RBFOX1: variants seen among roughly 807,000 people sequenced by gnomAD.
RBFOX1 encodes the protein RNA binding protein fox-1 homolog 1.
A neutral mutation model predicts 57.7 loss-of-function variants in RBFOX1; 8 were observed. The ratio of observed to expected loss-of-function variants is 0.14; its 90% CI spans 0.08 to 0.25. RBFOX1 has a LOEUF of 0.25. RBFOX1 is among the 10% of genes least tolerant of loss of function. RBFOX1 has a pLI of 1.00. For missense variants in RBFOX1, 611 were observed against 548.5 expected, an observed-to-expected ratio of 1.11 and a Z score of -1.14; for synonymous variants, 326 against 222.4, an observed-to-expected ratio of 1.47 and a Z score of -4.15.
At chr16:5,435,275 G>T (rs1261607348) in intron 1 of RBFOX1, among the ~76,000 whole-genome samples, 1 of 152,204 alleles carries the variant, frequency 6.6e-6, no homozygotes, top group Non-Finnish European at 1.5e-5. Flanking sequence ...AACAGCTGGT[G>T]TGGGTTTCCT....
chr16:5,689,143 A>C (rs531056826), intron 3 of RBFOX1, among the ~76,000 whole-genome samples: 29 of 152,360 alleles, frequency 1.9e-4, no homozygotes, highest in African/African-American at 6.7e-4. Flanking sequence ...CTGGATGTCA[A>C]GGTCACGTCC....
chr16:6,802,038 T>C (rs1470740411), intron 3 of RBFOX1, among the ~76,000 whole-genome samples: 1 of 152,036 alleles, frequency 6.6e-6, no homozygotes, highest in Non-Finnish European at 1.5e-5. Context: ...GCAATAAACT[T>C]GTTTGTGGAG....
chr16:5,484,325 C>T (rs2069651079), intron 2 of RBFOX1, among the ~76,000 whole-genome samples: 1 of 152,230 alleles, frequency 6.6e-6, no homozygotes, highest in South Asian at 2.1e-4. Flanking sequence ...TTTCCTGCCA[C>T]ACAAACCCCT....
At chr16:6,834,578 A>G (rs988204661) in intron 3 of RBFOX1, among the ~76,000 whole-genome samples, 1 of 152,228 alleles carries the variant, frequency 6.6e-6, no homozygotes, top group Non-Finnish European at 1.5e-5. Flanking sequence ...GTTCTTAAAA[A>G]GAAACCTTGC....
intron 3 of RBFOX1, among the ~76,000 whole-genome samples, chr16:7,004,291 A>G (rs2093106557): frequency 6.6e-6 from 1 of 152,186 alleles, no homozygotes; most frequent in South Asian, 2.1e-4. Flanking sequence ...ATTAGATTAA[A>G]TTAACTCCAT....
At chr16:7,438,541 C>T (rs1411929954) in intron 4 of RBFOX1, among the ~76,000 whole-genome samples, 12 of 152,154 alleles carry the variant, frequency 7.9e-5, no homozygotes, top group Admixed American at 5.9e-4. Context: ...GGGCGTAATT[C>T]GTCCTCACAG....
At chr16:6,479,092 G>C (rs2095329536) in intron 2 of RBFOX1, among the ~76,000 whole-genome samples, 1 of 152,194 alleles carries the variant, frequency 6.6e-6, no homozygotes, top group Non-Finnish European at 1.5e-5. Flanking sequence ...ATGCCTGTGT[G>C]TGTGTGTGTT....
intron 4 of RBFOX1, among the ~76,000 whole-genome samples, chr16:7,165,774 A>G (rs572481458): frequency 6.6e-5 from 10 of 151,978 alleles, no homozygotes; most frequent in African/African-American, 2.2e-4. Context: ...CAATTCTTAG[A>G]CCTGTGACTC....
chr16:6,347,388 G>A (rs1399441442), intron 2 of RBFOX1, among the ~76,000 whole-genome samples: 1 of 152,206 alleles, frequency 6.6e-6, no homozygotes, highest in Admixed American at 6.5e-5. Flanking sequence ...AAACAGGCAT[G>A]TTCCTTTCTT....
intron 2 of RBFOX1, among the ~76,000 whole-genome samples, chr16:6,534,792 A>G (rs571425949): frequency 1.8e-4 from 28 of 152,118 alleles, no homozygotes; most frequent in Admixed American, 3.9e-4. Flanking sequence ...GTACTGGTTC[A>G]TGTATATGTG....
chr16:5,912,695 G>C (rs1169743647), intron 4 of RBFOX1, among the ~76,000 whole-genome samples: 1 of 152,118 alleles, frequency 6.6e-6, no homozygotes, highest in African/African-American at 2.4e-5. Context: ...ATTTAAGCAT[G>C]ACTCTTGGAG....
chr16:7,240,776 C>T (rs2094014865), intron 4 of RBFOX1, among the ~76,000 whole-genome samples: 1 of 152,052 alleles, frequency 6.6e-6, no homozygotes, highest in African/African-American at 2.4e-5. Flanking sequence ...TGCCATGTTG[C>T]CCAGGCTGGT....
intron 4 of RBFOX1, among the ~76,000 whole-genome samples, chr16:5,967,734 T>C (rs1422971884): frequency 1.3e-5 from 2 of 152,180 alleles, no homozygotes; most frequent in East Asian, 1.9e-4. Context: ...GTTATATAAT[T>C]AGGATATTCC....
chr16:5,439,035 G>C (rs888351798), intron 1 of RBFOX1, among the ~76,000 whole-genome samples: 11 of 136,136 alleles, frequency 8.1e-5, no homozygotes, highest in East Asian at 6.4e-4. Flanking sequence ...AGAATAATGG[G>C]GGGGGGGGCA....
intron 3 of RBFOX1, among the ~76,000 whole-genome samples, chr16:6,986,010 TTGCAG>T (rs770537129): frequency 8.4e-4 from 127 of 151,822 alleles, no homozygotes; most frequent in Non-Finnish European, 1.5e-3. Context: ...ATAAAACATC[TTGCAG>T]AAACTCACTT....
rs2095940282 is a variant in RBFOX1 at position 6,078,274 on chromosome 16, G to A, written c.-127+58282G>A. Among the ~76,000 whole-genome samples the A allele has an allele frequency of 1.3e-5, 2 of 152,156 alleles. 1 individual carries two copies. The highest frequency in any genetic ancestry group is 4.1e-4 in the South Asian group (2 of 4,832). On this transcript the variant is annotated intron_variant, in intron 1 of 15. Transcript: ENST00000550418. ...CACAGGGTTTCTAGTATATTATGTT[G>A]GTTAAGAGCAAGCCTCTAGAGCAAG...
At chr16:6,902,335 A>G (rs994439691) in intron 3 of RBFOX1, among the ~76,000 whole-genome samples, 1 of 152,170 alleles carries the variant, frequency 6.6e-6, no homozygotes, top group Non-Finnish European at 1.5e-5. Context: ...TTTCATGGCA[A>G]AACTCTGTTA....
At chr16:7,519,949 G>A (rs1047821883) in intron 5 of RBFOX1, among the ~76,000 whole-genome samples, 4 of 152,182 alleles carry the variant, frequency 2.6e-5, no homozygotes, top group South Asian at 4.2e-4. Flanking sequence ...GCGGTGGCGC[G>A]ATCTCGGCTC....
chr16:7,121,784 T>C (rs1191543237), intron 4 of RBFOX1, among the ~76,000 whole-genome samples: 1 of 152,006 alleles, frequency 6.6e-6, no homozygotes, highest in African/African-American at 2.4e-5. Flanking sequence ...ATTTATTTTA[T>C]ATAAGCCTAT....
Sources: allele counts gnomAD v4.1 joint callset (sites outside exome capture counted in the v4.1 genomes callset), GRCh38; gene constraint gnomAD v4.1.1; transcripts MANE v1.5; gene names NCBI Gene and HGNC (gene_info 2026-07-23, HGNC 2026-07-21).